MED13L: variants seen among roughly 807,000 people sequenced by gnomAD.
MED13L encodes mediator complex subunit 13L.
MED13L carries 7 observed loss-of-function variants against 220.9 expected under a neutral mutation model. That is an observed-to-expected ratio of 0.03 (90% CI 0.02 to 0.06). The LOEUF is 0.06. Ranked by LOEUF, MED13L falls within the 10% of genes least tolerant of loss-of-function variation. The probability of loss-of-function intolerance (pLI) is 1.00; values close to 1 mark genes in which losing one functional copy is unlikely to be tolerated. For missense variants in MED13L, 1,965 were observed against 2,760.5 expected (o/e 0.71, Z 6.46); for synonymous variants, 1,011 against 1,015.2 (o/e 1.00, Z 0.08).
intron 22 of MED13L, among the ~76,000 whole-genome samples, chr12:115,981,424 A>C (rs1877319984): frequency 6.6e-6 from 1 of 152,224 alleles, no homozygotes. Flanking sequence ...GCTTCAGTTA[A>C]AGTGACATTA....
At chr12:116,107,648 T>C (rs1458345445) in intron 3 of MED13L, among the ~76,000 whole-genome samples, 2 of 152,226 alleles carry the variant, frequency 1.3e-5, no homozygotes, top group African/African-American at 4.8e-5. Context: ...GAAATTCCCT[T>C]TTAATTAAAC....
At chr12:116,095,577 T>G (rs1872576861) in intron 4 of MED13L, among the ~76,000 whole-genome samples, 1 of 152,162 alleles carries the variant, frequency 6.6e-6, no homozygotes, top group Non-Finnish European at 1.5e-5. Flanking sequence ...GGCAGGAGTT[T>G]CCAGCTGAAA....
intron 13 of MED13L, among the ~76,000 whole-genome samples, chr12:116,005,179 C>G (rs747985324): frequency 6.6e-6 from 1 of 152,260 alleles, no homozygotes; most frequent in Non-Finnish European, 1.5e-5. Context: ...AATAAGCTGA[C>G]CTTTTTGAAA....
chr12:116,114,823 G>C (rs917371631), intron 2 of MED13L, among the ~76,000 whole-genome samples: 7 of 152,050 alleles, frequency 4.6e-5, no homozygotes, highest in African/African-American at 1.7e-4. Flanking sequence ...TAAATAATTA[G>C]AAACTGAAAT....
At chr12:116,177,290 G>A (rs1880146168) in intron 2 of MED13L, among the ~76,000 whole-genome samples, 1 of 152,162 alleles carries the variant, frequency 6.6e-6, no homozygotes, top group African/African-American at 2.4e-5. Flanking sequence ...AGTTTTGTCT[G>A]TGTCTAAACT....
intron 2 of MED13L, among the ~76,000 whole-genome samples, chr12:116,229,859 T>C (rs1869382343): frequency 6.6e-6 from 1 of 152,180 alleles, no homozygotes; most frequent in Non-Finnish European, 1.5e-5. Context: ...AACTTACTAC[T>C]TTATAGCTTT....
intron 2 of MED13L, among the ~76,000 whole-genome samples, chr12:116,213,253 G>A (rs142766287): frequency 2.0e-5 from 3 of 152,256 alleles, no homozygotes; most frequent in East Asian, 3.9e-4. Context: ...AGAGGGGAGG[G>A]AGGGAAAACA....
At chr12:116,228,956 T>C (rs77704096) in intron 2 of MED13L, among the ~76,000 whole-genome samples, 1 of 152,182 alleles carries the variant, frequency 6.6e-6, no homozygotes, top group Non-Finnish European at 1.5e-5. Flanking sequence ...AATTTTTTTT[T>C]AACAGAGATG....
intron 18 of MED13L, 42 bp from the exon 19 acceptor site, chr12:115,986,531 T>C: frequency 6.3e-7 from 1 of 1,581,426 alleles, no homozygotes; most frequent in Middle Eastern, 2.1e-4. Context: ...AGAGAGTTTT[T>C]CCCACAACCT....
intron 1 of MED13L, among the ~76,000 whole-genome samples, chr12:116,244,988 G>A (rs1026059458): frequency 1.3e-5 from 2 of 151,940 alleles, no homozygotes; most frequent in African/African-American, 4.8e-5. Flanking sequence ...AAAATAAGAA[G>A]GCACTCAGAT....
At chr12:116,020,952 A>T (rs1880026389) in intron 5 of MED13L, among the ~76,000 whole-genome samples, 1 of 152,192 alleles carries the variant, frequency 6.6e-6, no homozygotes. Flanking sequence ...CATCACATGT[A>T]TCGTTGAGTC....
intron 1 of MED13L, among the ~76,000 whole-genome samples, chr12:116,274,267 C>A (rs1269670377): frequency 6.6e-6 from 1 of 151,994 alleles, no homozygotes; most frequent in Non-Finnish European, 1.5e-5. Flanking sequence ...ATTGATTGCA[C>A]AATCAACTTT....
intron 4 of MED13L, among the ~76,000 whole-genome samples, chr12:116,047,345 C>T (rs1294406304): frequency 6.6e-6 from 1 of 152,210 alleles, no homozygotes; most frequent in Non-Finnish European, 1.5e-5. Flanking sequence ...GAGAAAGAGC[C>T]TGTCTTCAAA....
At chr12:116,101,489 T>C (rs1873061187) in intron 3 of MED13L, among the ~76,000 whole-genome samples, 1 of 152,228 alleles carries the variant, frequency 6.6e-6, no homozygotes, top group South Asian at 2.1e-4. Context: ...TACTGTTATT[T>C]GAATTTTCTT....
chr12:116,104,443 A>G (rs1873378579), intron 3 of MED13L, among the ~76,000 whole-genome samples: 1 of 152,182 alleles, frequency 6.6e-6, no homozygotes, highest in East Asian at 1.9e-4. Flanking sequence ...CATTATTTTC[A>G]CTGTATATTC....
chr12:116,265,586 T>TGGG (rs1872771609), intron 1 of MED13L, among the ~76,000 whole-genome samples: 2 of 152,032 alleles, frequency 1.3e-5, no homozygotes. Context: ...ATTTGTCACT[T>TGGG]TAGTCATTAG....
At chr12:116,055,766 T>G (rs1566034187) in intron 4 of MED13L, among the ~76,000 whole-genome samples, 1 of 151,876 alleles carries the variant, frequency 6.6e-6, no homozygotes, top group Non-Finnish European at 1.5e-5. Context: ...TGATAGCGGG[T>G]GCCTGTAATC....
At chr12:116,054,746 A>G (rs1311625137) in intron 4 of MED13L, among the ~76,000 whole-genome samples, 1 of 152,214 alleles carries the variant, frequency 6.6e-6, no homozygotes, top group Non-Finnish European at 1.5e-5. Context: ...TTTCATATAC[A>G]GCTGGTGAGA....
chr12:116,252,169 A>G (rs541794172), intron 1 of MED13L, among the ~76,000 whole-genome samples: 28 of 152,276 alleles, frequency 1.8e-4, no homozygotes, highest in Admixed American at 1.8e-3. Context: ...CATGAACACT[A>G]TCAACCAAAA....
Sources: allele counts gnomAD v4.1 joint callset (sites outside exome capture counted in the v4.1 genomes callset), GRCh38; gene constraint gnomAD v4.1.1; transcripts MANE v1.5; gene names NCBI Gene and HGNC (gene_info 2026-07-23, HGNC 2026-07-21).